Variants in TBC1D4 observed in about 807,000 individuals in gnomAD.
TBC1D4 encodes the protein TBC1 domain family member 4.
TBC1D4 carries 121 observed loss-of-function variants against 142.5 expected under a neutral mutation model. The ratio of observed to expected loss-of-function variants is 0.85; its 90% CI spans 0.73 to 0.99. The LOEUF is 0.99. TBC1D4 is among the 50% of genes least tolerant of loss of function. The pLI is 0.00. For missense variants in TBC1D4, 1,475 were observed against 1,606.6 expected (o/e 0.92, Z 1.40); for synonymous variants, 630 against 628.2 (o/e 1.00, Z -0.04).
At chr13:75,292,304 A>G in intron 18 of TBC1D4, 33 bp from the exon 19 acceptor site, 4 of 1,565,728 alleles carry the variant, frequency 2.6e-6, no homozygotes, top group South Asian at 1.1e-5. Flanking sequence ...CATGATCAAA[A>G]CTATGCATCC....
chr13:75,442,727 C>G (rs1040429698), intron 1 of TBC1D4, among the ~76,000 whole-genome samples: 1 of 150,052 alleles, frequency 6.7e-6, no homozygotes, highest in Non-Finnish European at 1.5e-5. Flanking sequence ...TGCAGTGAGC[C>G]GAGATCGCGC....
At chr13:75,467,194 T>A (rs1433714687) in intron 1 of TBC1D4, among the ~76,000 whole-genome samples, 4 of 152,210 alleles carry the variant, frequency 2.6e-5, no homozygotes, top group African/African-American at 9.6e-5. Flanking sequence ...GATGTGTTTA[T>A]CCTCTACTCC....
At chr13:75,287,060 G>A in intron 20 of TBC1D4, 35 bp from the exon 21 acceptor site, 12 of 1,555,974 alleles carry the variant, frequency 7.7e-6, no homozygotes, top group Non-Finnish European at 9.8e-6. Context: ...CAAATCAAAT[G>A]ATTCATTATA....
Position 75,332,721 on chromosome 13 carries a change from A to G in TBC1D4, c.1731+4200T>C, listed in dbSNP as rs1879856558. 5.3e-5 allele frequency among the ~76,000 whole-genome samples: 8 copies of G among 152,308 alleles called. No homozygotes were observed. The South Asian group carries it at 1.7e-3, about 32-fold the overall frequency. On this transcript the variant is annotated intron_variant, in intron 8 of 20. Coordinates refer to ENST00000377636, the MANE Select transcript of TBC1D4 (RefSeq NM_014832.5). ...GGCATACTTCTGACAAATCTCCTAG[A>G]TACTCTTTTCTGAGATTCAGTTTTC... is the stretch of plus-strand genomic sequence containing the variant.
intron 1 of TBC1D4, among the ~76,000 whole-genome samples, chr13:75,420,524 C>G (rs186281933): frequency 6.6e-6 from 1 of 152,220 alleles, no homozygotes; most frequent in Admixed American, 6.5e-5. Flanking sequence ...CCTCAAGTGG[C>G]GATTTGGTGA....
intron 12 of TBC1D4, among the ~76,000 whole-genome samples, chr13:75,313,277 G>T (rs528888852): frequency 5.3e-5 from 8 of 152,280 alleles, no homozygotes; most frequent in South Asian, 2.1e-4. Context: ...TTCCATAAAA[G>T]CCTCACAAAG....
rs1423606680 is a variant in TBC1D4, at chr13:75,283,542, CAA to C, written c.*3248_*3249del. ...ATTACAAATATACATGAGAATACTCCAAGAGATGCATATTTTATATAAAAACA... is the reference window on the plus strand; with the variant it reads ...ATTACAAATATACATGAGAATACTCCGAGATGCATATTTTATATAAAAACA... On this transcript the variant is annotated 3_prime_UTR_variant, in exon 21 of 21. Transcript: ENST00000377636. 6.6e-6 allele frequency among the ~76,000 whole-genome samples: 1 copy of C among 152,242 alleles called. No homozygotes were observed. The highest frequency in any genetic ancestry group is 3.4e-3 in the Middle Eastern group (1 of 294).
intron 1 of TBC1D4, among the ~76,000 whole-genome samples, chr13:75,418,873 T>C (rs1374393030): frequency 6.6e-6 from 1 of 152,218 alleles, no homozygotes; most frequent in African/African-American, 2.4e-5. Flanking sequence ...ATATACCCTG[T>C]TACTATCATA....
intron 19 of TBC1D4, among the ~76,000 whole-genome samples, chr13:75,291,535 G>T (rs1486616812): frequency 6.6e-6 from 1 of 152,134 alleles, no homozygotes; most frequent in Non-Finnish European, 1.5e-5. Context: ...AATGTTTCCT[G>T]TAGGGACAAA....
chr13:75,419,404 T>C (rs1045788622), intron 1 of TBC1D4, among the ~76,000 whole-genome samples: 1 of 152,220 alleles, frequency 6.6e-6, no homozygotes, highest in Admixed American at 6.5e-5. Context: ...CTAGTAAGGA[T>C]TGCAGATTTT....
chr13:75,353,370 T>C (rs977845304), intron 4 of TBC1D4, among the ~76,000 whole-genome samples: 2 of 152,230 alleles, frequency 1.3e-5, no homozygotes, highest in African/African-American at 2.4e-5. Flanking sequence ...TAGAAAATGA[T>C]TGCCTGAAGT....
intron 3 of TBC1D4, among the ~76,000 whole-genome samples, chr13:75,358,868 A>T (rs2138156767): frequency 1.3e-5 from 2 of 152,244 alleles, no homozygotes; most frequent in Admixed American, 1.3e-4. Flanking sequence ...TGTCTCCAAA[A>T]ATAAATAAAT....
chr13:75,339,881 C>T (rs775476104), intron 7 of TBC1D4, among the ~76,000 whole-genome samples: 1 of 152,130 alleles, frequency 6.6e-6, no homozygotes, highest in Non-Finnish European at 1.5e-5. Context: ...CCAAAAAGTA[C>T]AGTTCCTCAA....
intron 1 of TBC1D4, among the ~76,000 whole-genome samples, chr13:75,407,258 T>G (rs984430500): frequency 6.6e-6 from 1 of 152,206 alleles, no homozygotes; most frequent in African/African-American, 2.4e-5. Flanking sequence ...GGTTCTGAGT[T>G]TAAACAGATT....
At position 75,287,709 on chromosome 13, in the gene TBC1D4, C is replaced by G. The variant is rs564857; in HGVS notation, c.3664-684G>C. ...TCTATGAGCCAGAGCCAATGTAAGA[C>G]AAAGCGAAGGAAGTTTAGTGTTCCC... On this transcript the variant is annotated intron_variant, in intron 20 of 20. Coordinates refer to ENST00000377636, the MANE Select transcript of TBC1D4 (RefSeq NM_014832.5). Among the ~76,000 whole-genome samples, 653 of 152,218 alleles carry G rather than the reference C, an allele frequency of 4.3e-3. 5 individuals carry two copies. Among genetic ancestry groups the G allele is most frequent in the African/African-American group, 0.015 (628 of 41,532 alleles).
At position 75,349,217 on chromosome 13, in the gene TBC1D4, T is replaced by G. The variant is rs201718044; in HGVS notation, c.1361A>C (p.Glu454Ala). 1 of 1,613,856 alleles carries G rather than the reference T, an allele frequency of 6.2e-7. No homozygotes were observed. Among genetic ancestry groups the G allele is most frequent in the Non-Finnish European group, 8.5e-7 (1 of 1,179,952 alleles). Residue 454 changes from glutamate to alanine, a missense_variant, in exon 5 of 21, where the codon GAG becomes GCG. Around this residue, in one of 2 missense-constraint regions of TBC1D4, gnomAD observed 1,227 missense variants for 1,267.7 expected, o/e 0.97. Transcript: ENST00000377636. ...QSAKTQIKLC[E>A]ACPMHSLHKL... is the part of the protein sequence containing the mutation. The stretch of plus-strand genomic sequence containing the variant: ...ATGCAAAGAGTGCATCGGGCAGGCC[T>G]CACACAGTTTAATCTGCGTCTTGGC...
chr13:75,454,435 T>C (rs972038406), intron 1 of TBC1D4, among the ~76,000 whole-genome samples: 1 of 152,216 alleles, frequency 6.6e-6, no homozygotes, highest in African/African-American at 2.4e-5. Flanking sequence ...TTAATATAAA[T>C]GTTAGCATAA....
intron 1 of TBC1D4, among the ~76,000 whole-genome samples, chr13:75,412,957 G>A (rs1245040844): frequency 1.3e-5 from 2 of 152,116 alleles, no homozygotes; most frequent in Non-Finnish European, 2.9e-5. Context: ...ACTGTGCCAG[G>A]CAGGAAAAAG....
intron 4 of TBC1D4, among the ~76,000 whole-genome samples, chr13:75,351,379 G>A (rs950784283): frequency 2.0e-5 from 3 of 150,556 alleles, no homozygotes; most frequent in Non-Finnish European, 3.0e-5. Flanking sequence ...TATTTTTTTG[G>A]GGGGGTATAT....
Sources: allele counts gnomAD v4.1 joint callset (sites outside exome capture counted in the v4.1 genomes callset), GRCh38; gene constraint gnomAD v4.1.1; regional missense constraint gnomAD v4.1.1; transcripts MANE v1.5; gene names NCBI Gene and HGNC (gene_info 2026-07-23, HGNC 2026-07-21).